Variants in FRMD4A observed in about 807,000 individuals in gnomAD.
FRMD4A encodes FERM domain-containing protein 4A.
FRMD4A carries 29 observed loss-of-function variants against 129.1 expected under a neutral mutation model. The ratio of observed to expected loss-of-function variants is 0.22; its 90% CI spans 0.17 to 0.31. The LOEUF (loss-of-function observed/expected upper bound fraction) is 0.31. FRMD4A is among the 10% of genes least tolerant of loss of function. FRMD4A has a pLI of 1.00. For synonymous variants in FRMD4A, 634 were observed against 571.6 expected, an observed-to-expected ratio of 1.11 and a Z score of -1.56; for missense variants, 1,272 against 1,375.8, an observed-to-expected ratio of 0.92 and a Z score of 1.19.
chr10:14,232,424 G>A (rs1843668716), intron 2 of FRMD4A, among the ~76,000 whole-genome samples: 1 of 152,128 alleles, frequency 6.6e-6, no homozygotes, highest in African/African-American at 2.4e-5. Context: ...CTCCTTTTTG[G>A]TTCCATATGA....
chr10:13,691,807 G>GA (rs1005729118), intron 15 of FRMD4A, among the ~76,000 whole-genome samples: 1 of 152,080 alleles, frequency 6.6e-6, no homozygotes, highest in African/African-American at 2.4e-5. Context: ...ACAGGGTTAG[G>GA]AAAAAACGCG....
At chr10:13,884,196 TCACACACACACTCACACACACACA>T (rs2094588667) in intron 2 of FRMD4A, among the ~76,000 whole-genome samples, 1 of 108,536 alleles carries the variant, frequency 9.2e-6, no homozygotes, top group African/African-American at 3.6e-5. Context: ...ACACACACAC[TCACACACACACTCACACACACACA>T]CACACACACA....
At chr10:13,679,044 C>T (rs2084246314) in intron 15 of FRMD4A, among the ~76,000 whole-genome samples, 1 of 152,008 alleles carries the variant, frequency 6.6e-6, no homozygotes, top group African/African-American at 2.4e-5. Context: ...AACAAATCTC[C>T]CCCATCACCT....
chr10:13,822,516 C>T (rs961588507), intron 3 of FRMD4A, among the ~76,000 whole-genome samples: 4 of 152,194 alleles, frequency 2.6e-5, no homozygotes, highest in African/African-American at 9.7e-5. Flanking sequence ...TGAAAGTTTC[C>T]TATTGGTAGA....
At chr10:14,275,481 A>C (rs1402743968) in intron 2 of FRMD4A, among the ~76,000 whole-genome samples, 1 of 152,230 alleles carries the variant, frequency 6.6e-6, no homozygotes, top group African/African-American at 2.4e-5. Context: ...GGCTATCTGA[A>C]TATTTTAAGG....
chr10:14,127,329 C>A (rs560861178), intron 2 of FRMD4A, among the ~76,000 whole-genome samples: 1 of 152,294 alleles, frequency 6.6e-6, no homozygotes, highest in East Asian at 1.9e-4. Flanking sequence ...GACCTCTGCT[C>A]TTCTTGTTTT....
At chr10:13,665,568 C>T (rs896881173) in intron 18 of FRMD4A, among the ~76,000 whole-genome samples, 9 of 152,166 alleles carry the variant, frequency 5.9e-5, no homozygotes, top group African/African-American at 1.9e-4. Flanking sequence ...ATTCCTAACC[C>T]ATGACTGGAG....
At chr10:14,138,205 G>A (rs1439470616) in intron 2 of FRMD4A, among the ~76,000 whole-genome samples, 2 of 152,010 alleles carry the variant, frequency 1.3e-5, no homozygotes, top group South Asian at 2.1e-4. Context: ...CTATGTGCCC[G>A]GCCCAGTGTC....
chr10:13,906,914 CGTCA>C (rs2094888142), intron 2 of FRMD4A, among the ~76,000 whole-genome samples: 1 of 152,110 alleles, frequency 6.6e-6, no homozygotes, highest in African/African-American at 2.4e-5. Flanking sequence ...TGGGAATGCC[CGTCA>C]GTCACATCTA....
At chr10:14,229,109 G>GT (rs539927831) in intron 2 of FRMD4A, among the ~76,000 whole-genome samples, 21 of 148,458 alleles carry the variant, frequency 1.4e-4, no homozygotes, top group South Asian at 8.6e-4. Flanking sequence ...TTTGTTTTTT[G>GT]TTTTTTTTTA....
intron 2 of FRMD4A, among the ~76,000 whole-genome samples, chr10:14,034,697 C>A (rs890420459): frequency 1.3e-5 from 2 of 152,158 alleles, no homozygotes; most frequent in Admixed American, 1.3e-4. Context: ...AGTCCTTGGT[C>A]CAGTTTAGCT....
At chr10:14,056,732 A>G (rs1834550619) in intron 2 of FRMD4A, among the ~76,000 whole-genome samples, 1 of 152,164 alleles carries the variant, frequency 6.6e-6, no homozygotes, top group Non-Finnish European at 1.5e-5. Context: ...ACCTCTCACC[A>G]TCTGCCGCGG....
intron 2 of FRMD4A, among the ~76,000 whole-genome samples, chr10:13,884,134 T>TCACCCA (rs1564970362): frequency 2.8e-5 from 1 of 35,700 alleles, no homozygotes; most frequent in Non-Finnish European, 8.0e-5. Context: ...ACACACACGC[T>TCACCCA]CACACACACT....
chr10:14,126,169 C>CTTTTTTTTTTT (rs55649566), intron 2 of FRMD4A, among the ~76,000 whole-genome samples: 1 of 122,382 alleles, frequency 8.2e-6, no homozygotes, highest in Non-Finnish European at 1.6e-5. Flanking sequence ...ACCTTGCCCA[C>CTTTTTTTTTTT]TTTTTTTTTT....
intron 2 of FRMD4A, among the ~76,000 whole-genome samples, chr10:13,926,386 T>C (rs1455509243): frequency 6.6e-6 from 1 of 152,204 alleles, no homozygotes; most frequent in African/African-American, 2.4e-5. Flanking sequence ...GATGATGATC[T>C]CATTGTCTAT....
chr10:13,812,986 C>T (rs900551938), intron 3 of FRMD4A, among the ~76,000 whole-genome samples: 6 of 152,222 alleles, frequency 3.9e-5, no homozygotes, highest in Admixed American at 1.3e-4. Flanking sequence ...TGATGAATTA[C>T]GAAGTAGAAT....
rs1372244618 is a variant in FRMD4A at position 13,672,818 on chromosome 10, C to A, written c.1251+2093G>T. Among the ~76,000 whole-genome samples the A allele has an allele frequency of 2.0e-5, 3 of 152,194 alleles. No individual in the cohort carries two copies. The East Asian group carries it at 5.8e-4, about 29-fold the overall frequency. Reference sequence around the variant, plus strand: ...AACAGCACAGATTTAGCAAGACCTCCCCCCAGCCCTTGACTACACATGCGT... The same window carrying A: ...AACAGCACAGATTTAGCAAGACCTCACCCCAGCCCTTGACTACACATGCGT... On this transcript the variant is annotated intron_variant, in intron 16 of 24. Transcript: ENST00000357447.
At chr10:14,193,010 A>G (rs1175382171) in intron 2 of FRMD4A, among the ~76,000 whole-genome samples, 1 of 152,242 alleles carries the variant, frequency 6.6e-6, no homozygotes, top group African/African-American at 2.4e-5. Flanking sequence ...TCCAACATCA[A>G]GGACTGCACT....
At chr10:14,300,360 C>G (rs1278611130) in intron 2 of FRMD4A, among the ~76,000 whole-genome samples, 2 of 152,168 alleles carry the variant, frequency 1.3e-5, no homozygotes, top group Non-Finnish European at 2.9e-5. Flanking sequence ...GAATAAAATT[C>G]TCATCCTGTA....
Sources: gnomAD v4.1 joint callset for allele counts (sites outside exome capture counted in the v4.1 genomes callset) on GRCh38, gnomAD v4.1.1 for gene constraint, MANE v1.5 for transcripts, NCBI Gene and HGNC (gene_info 2026-07-23, HGNC 2026-07-21) for gene names.